SYCE1: variants seen among roughly 807,000 people sequenced by gnomAD.
The protein encoded by SYCE1 is cancer/testis antigen 76.
In SYCE1, 37 loss-of-function variants were observed where a neutral mutation model predicts 55.1. That is an observed-to-expected ratio of 0.67 (90% CI 0.52 to 0.88). SYCE1 has a LOEUF of 0.88. Ranked by LOEUF, SYCE1 falls within the 40% of genes least tolerant of loss-of-function variation. The pLI, the probability that SYCE1 is intolerant of heterozygous loss-of-function variation, is 0.00. For missense variants in SYCE1, 399 were observed against 416.4 expected (o/e 0.96, Z 0.36); for synonymous variants, 163 against 159.4 (o/e 1.02, Z -0.17).
At chr10:133,559,906 A>G in intron 2 of SYCE1, 185 bp downstream of exon 2, 1 of 613,704 alleles carries the variant, frequency 1.6e-6, no homozygotes, top group South Asian at 2.0e-5. Flanking sequence ...TGCCTTCTAT[A>G]CCCTTTTGCT....
intron 6 of SYCE1, 144 bp downstream of exon 6, chr10:133,557,720 C>T (rs537972375): frequency 2.5e-5 from 22 of 878,978 alleles, no homozygotes; most frequent in Non-Finnish European, 3.2e-5. Flanking sequence ...CTGTTGGAGC[C>T]GAAGGGGAAA....
intron 11 of SYCE1, 21 bp from the exon 12 acceptor site, chr10:133,555,459 T>C: frequency 6.2e-7 from 1 of 1,613,286 alleles, no homozygotes; most frequent in Non-Finnish European, 8.5e-7. Context: ...AGAGGTAGGA[T>C]GGGGGAAGGA....
At chr10:133,561,670 A>G (rs1366582849) in intron 1 of SYCE1, among the ~76,000 whole-genome samples, 1 of 152,210 alleles carries the variant, frequency 6.6e-6, no homozygotes, top group Non-Finnish European at 1.5e-5. Context: ...TAAAATTAAC[A>G]ACCAGCTGGT....
At chr10:133,566,059 G>A (rs1422614329), upstream of SYCE1, among the ~76,000 whole-genome samples, 1 of 152,234 alleles carries the variant, frequency 6.6e-6, no homozygotes, top group Non-Finnish European at 1.5e-5. Flanking sequence ...GCAGAGGAGC[G>A]TAGCCTGCCC....
chr10:133,565,014 G>C (rs1337815609), intron 1 of SYCE1, among the ~76,000 whole-genome samples: 2 of 152,156 alleles, frequency 1.3e-5, no homozygotes, highest in African/African-American at 4.8e-5. Context: ...CCGGCTCCCC[G>C]GGGCGTCGGG....
chr10:133,567,350 G>T (rs972684217), upstream of SYCE1, among the ~76,000 whole-genome samples: 2 of 151,736 alleles, frequency 1.3e-5, no homozygotes, highest in African/African-American at 2.4e-5. Flanking sequence ...TGAGGTGGGG[G>T]TTAGGTGTTA....
upstream of SYCE1, chr10:133,568,137 C>T (rs752422146): frequency 4.8e-6 from 4 of 833,192 alleles, no homozygotes; most frequent in South Asian, 2.8e-5. Flanking sequence ...CCACCCAGCC[C>T]GACACAGAGG....
Position 133,555,071 on chromosome 10 carries a change from T to A in SYCE1, c.977A>T (p.Asp326Val). The A allele has an allele frequency of 1.9e-6, 3 of 1,551,444 alleles. No homozygotes were observed. The highest frequency in any genetic ancestry group is 2.6e-6 in the Non-Finnish European group (3 of 1,146,928). ...RPGAAHQAGP[D>V]VLIGQEDTLH... ...TGTGTCCTCCTGGCCTATGAGGACATCAGGCCCTGCTTGGTGTGCAGCTCC... is the reference window on the plus strand; with the variant it reads ...TGTGTCCTCCTGGCCTATGAGGACAACAGGCCCTGCTTGGTGTGCAGCTCC... Residue 326 changes from aspartate to valine, a missense_variant, in exon 13 of 13, where the codon GAT (aspartate) becomes GTT (valine). Coordinates refer to ENST00000343131, the MANE Select transcript of SYCE1 (RefSeq NM_001143764.3).
At chr10:133,568,270 G>C, upstream of SYCE1, 3 of 1,420,418 alleles carry the variant, frequency 2.1e-6, no homozygotes, top group Non-Finnish European at 2.9e-6. Flanking sequence ...CCCGGGTCCC[G>C]CGGCCCTTCT....
At position 133,558,896 on chromosome 10, in the gene SYCE1, C is replaced by T. The variant is rs1851754429; in HGVS notation, c.252G>A (p.Leu84=). Residue 84 remains leucine (L), a synonymous_variant, in exon 4 of 13, where the codon CTG becomes CTA. Coordinates refer to ENST00000343131, the MANE Select transcript of SYCE1 (RefSeq NM_001143764.3). ...LGEARTICEA[L]QKELDSLHGE... ...TCTTACGCGAGTCCAGTTCCTTCTGCAGGGCCTCACAGATGGTCCGGGCCT... is the reference window on the plus strand; with the variant it reads ...TCTTACGCGAGTCCAGTTCCTTCTGTAGGGCCTCACAGATGGTCCGGGCCT... The T allele has an allele frequency of 6.2e-7, 1 of 1,613,238 alleles. No homozygotes were observed. Among genetic ancestry groups the T allele is most frequent in the Non-Finnish European group, 8.5e-7 (1 of 1,179,820 alleles).
At chr10:133,555,576 G>A (rs777645042) in intron 11 of SYCE1, 21 bp downstream of exon 11, 2 of 1,602,206 alleles carry the variant, frequency 1.2e-6, no homozygotes, top group Non-Finnish European at 1.7e-6. Flanking sequence ...GGGGTTGCGG[G>A]GACAGGGCCT....
At position 133,555,405 on chromosome 10, in the gene SYCE1, T is replaced by G; in HGVS notation, c.864A>C (p.Gln288His). The G allele has an allele frequency of 6.2e-7, 1 of 1,614,112 alleles. No individual in the cohort carries two copies. Among genetic ancestry groups the G allele is most frequent in the East Asian group, 2.2e-5 (1 of 44,882 alleles). Residue 288 changes from glutamine (Q) to histidine (H), a missense_variant, in exon 12 of 13, where the codon CAA (glutamine) becomes CAC (histidine). By Grantham distance (24) the Gln-to-His change is conservative. Transcript: ENST00000343131. ...LKEELEKHGMQVPAQAQSTQE... is the reference protein window; with the variant it reads ...LKEELEKHGMHVPAQAQSTQE... ...GTGTGCTCTGGGCTTGGGCAGGGACTTGCATTCCATGCTTTTCCAGCTCTT... is the reference window on the plus strand; with the variant it reads ...GTGTGCTCTGGGCTTGGGCAGGGACGTGCATTCCATGCTTTTCCAGCTCTT...
upstream of SYCE1, among the ~76,000 whole-genome samples, chr10:133,566,256 G>A (rs888167170): frequency 4.1e-4 from 62 of 152,240 alleles, 1 homozygote; most frequent in Non-Finnish European, 5.9e-5. Flanking sequence ...AGGCCGCGAT[G>A]CATCGCGACT....
intron 5 of SYCE1, 104 bp from the exon 6 acceptor site, chr10:133,558,022 C>T: frequency 1.3e-6 from 2 of 1,536,450 alleles, no homozygotes; most frequent in Non-Finnish European, 1.8e-6. Flanking sequence ...CCTGATTGAG[C>T]TTTAACATTT....
intron 8 of SYCE1, 71 bp downstream of exon 8, chr10:133,556,688 G>T (rs902064622): frequency 5.7e-5 from 85 of 1,489,464 alleles, no homozygotes; most frequent in Admixed American, 3.3e-4. Context: ...GTGAGAGGAA[G>T]AAGTGACCGT....
chr10:133,559,788 G>T (rs1200854360), intron 2 of SYCE1: 5 of 448,762 alleles, frequency 1.1e-5, no homozygotes, highest in African/African-American at 5.9e-5. Context: ...TAGCGGGTGA[G>T]GGGGAAGGAA....
At chr10:133,566,014 C>T (rs28691106), upstream of SYCE1, among the ~76,000 whole-genome samples, 1,921 of 152,142 alleles carry the variant, frequency 0.013, no homozygotes, top group African/African-American at 0.044. Flanking sequence ...GTGAAATCTG[C>T]GGCAGCCCCC....
chr10:133,556,872 T>C, intron 7 of SYCE1, 50 bp from the exon 8 acceptor site: 1 of 1,601,294 alleles, frequency 6.2e-7, no homozygotes, highest in Non-Finnish European at 8.5e-7. Context: ...ATCACCACCT[T>C]CACAGCCTGT....
intron 2 of SYCE1, chr10:133,559,615 G>C (rs1851774255): frequency 4.0e-6 from 2 of 501,000 alleles, no homozygotes; most frequent in Non-Finnish European, 7.2e-6. Flanking sequence ...GAGCAAAGGA[G>C]TGGGAAGTGC....
Sources: gnomAD v4.1 joint callset for allele counts (sites outside exome capture counted in the v4.1 genomes callset) on GRCh38, gnomAD v4.1.1 for gene constraint, MANE v1.5 for transcripts, NCBI Gene and HGNC (gene_info 2026-07-23, HGNC 2026-07-21) for gene names.